IRAK1BP1: variants seen among roughly 807,000 people sequenced by gnomAD.
IRAK1BP1 encodes interleukin-1 receptor-associated kinase 1-binding protein 1.
A neutral mutation model predicts 28.0 loss-of-function variants in IRAK1BP1; 24 were observed. The observed-to-expected ratio is 0.86, with a 90% confidence interval of 0.62 to 1.20. The LOEUF (loss-of-function observed/expected upper bound fraction) is 1.20, where lower values mean the gene tolerates loss of function less well. Among genes scored for constraint, IRAK1BP1 ranks in the 50% most tolerant of loss-of-function variants. The pLI is 0.00. For missense variants in IRAK1BP1, 336 were observed against 316.7 expected, an observed-to-expected ratio of 1.06 and a Z score of -0.46; for synonymous variants, 131 against 116.3, an observed-to-expected ratio of 1.13 and a Z score of -0.81.
intron 4 of IRAK1BP1, among the ~76,000 whole-genome samples, chr6:78,922,330 G>A (rs1772758212): frequency 6.6e-6 from 1 of 152,158 alleles, no homozygotes; most frequent in African/African-American, 2.4e-5. Flanking sequence ...ATCAGTAATG[G>A]AAGATCAAAT....
intron 2 of IRAK1BP1, among the ~76,000 whole-genome samples, chr6:78,895,913 C>G (rs972555742): frequency 6.6e-6 from 1 of 152,232 alleles, no homozygotes; most frequent in African/African-American, 2.4e-5. Flanking sequence ...GGAAGAAGTG[C>G]AACTATCTTA....
At chr6:78,967,026 T>G in the IRAK1BP1 span, among the ~76,000 whole-genome samples, 1 of 152,232 alleles carries the variant, frequency 6.6e-6, no homozygotes, top group Non-Finnish European at 1.5e-5. Context: ...GACACACAGT[T>G]AAGTTAAAAT....
chr6:78,951,281 C>T (rs1774128527), downstream of IRAK1BP1, among the ~76,000 whole-genome samples: 1 of 152,088 alleles, frequency 6.6e-6, no homozygotes, highest in African/African-American at 2.4e-5. Context: ...ATATCTTGGG[C>T]TTACACCATG....
At chr6:78,957,361 T>C in the IRAK1BP1 span, 1 of 151,854 alleles carries the variant, frequency 6.6e-6, no homozygotes. Context: ...CTAATTTCAA[T>C]AAGGAAAACA....
chr6:78,881,823 G>C (rs1003538382), intron 1 of IRAK1BP1, among the ~76,000 whole-genome samples: 11 of 152,122 alleles, frequency 7.2e-5, no homozygotes, highest in African/African-American at 2.2e-4. Flanking sequence ...TAAGTGGATA[G>C]TGGATGGTGG....
downstream of IRAK1BP1, chr6:78,946,569 T>A: frequency 7.2e-7 from 1 of 1,392,566 alleles, no homozygotes; most frequent in Non-Finnish European, 9.3e-7. Flanking sequence ...AGATTAAAAA[T>A]CCTCCACATC....
downstream of IRAK1BP1, among the ~76,000 whole-genome samples, chr6:78,950,182 CACTG>C (rs1274490717): frequency 6.6e-6 from 1 of 152,208 alleles, no homozygotes; most frequent in African/African-American, 2.4e-5. Flanking sequence ...TGATGGATTA[CACTG>C]ACTGGTTTTT....
downstream of IRAK1BP1, among the ~76,000 whole-genome samples, chr6:78,905,974 C>T (rs1562092870): frequency 6.6e-6 from 1 of 152,052 alleles, no homozygotes; most frequent in Non-Finnish European, 1.5e-5. Context: ...AAAGTCAAGA[C>T]TGGAAAGAAA....
the IRAK1BP1 span, among the ~76,000 whole-genome samples, chr6:78,968,509 T>C: frequency 6.6e-6 from 1 of 152,226 alleles, no homozygotes; most frequent in East Asian, 1.9e-4. Flanking sequence ...GTAGGATCAA[T>C]TCTGGAACCT....
At chr6:78,914,057 C>A (rs1027403071) in intron 4 of IRAK1BP1, among the ~76,000 whole-genome samples, 5 of 152,074 alleles carry the variant, frequency 3.3e-5, no homozygotes, top group Non-Finnish European at 7.4e-5. Context: ...TTACAAATTT[C>A]ACTTGTAATA....
chr6:78,919,231 A>C (rs7767182), intron 4 of IRAK1BP1, among the ~76,000 whole-genome samples: 135,979 of 152,126 alleles, frequency 0.89, 60,806 homozygotes, highest in Admixed American at 0.9. Flanking sequence ...GCACTAAAGA[A>C]CTCAATGAGT....
At chr6:78,877,893 C>T (rs887683745) in intron 1 of IRAK1BP1, among the ~76,000 whole-genome samples, 5 of 152,032 alleles carry the variant, frequency 3.3e-5, no homozygotes, top group African/African-American at 1.2e-4. Flanking sequence ...TCTCTTGCTG[C>T]TAGCACAGCA....
intron 1 of IRAK1BP1, among the ~76,000 whole-genome samples, chr6:78,870,330 C>A (rs954364252): frequency 6.6e-6 from 1 of 151,920 alleles, no homozygotes; most frequent in African/African-American, 2.4e-5. Flanking sequence ...CCCTGCCATG[C>A]AACACTTCAC....
intron 1 of IRAK1BP1, among the ~76,000 whole-genome samples, chr6:78,874,896 A>C (rs901343972): frequency 1.5e-4 from 23 of 152,214 alleles, no homozygotes; most frequent in African/African-American, 5.3e-4. Flanking sequence ...GACAAATGGG[A>C]CTTAATTAAA....
At chr6:78,887,996 A>G (rs1771492456) in intron 2 of IRAK1BP1, among the ~76,000 whole-genome samples, 1 of 147,772 alleles carries the variant, frequency 6.8e-6, no homozygotes, top group South Asian at 2.2e-4. Flanking sequence ...AATGTGTTAT[A>G]TACATACAAT....
intron 1 of IRAK1BP1, among the ~76,000 whole-genome samples, chr6:78,869,937 C>T (rs1770733675): frequency 6.6e-6 from 1 of 151,842 alleles, no homozygotes; most frequent in African/African-American, 2.4e-5. Flanking sequence ...GGTGAAATCT[C>T]GTCTCTACTA....
At position 78,908,389 on chromosome 6, in the gene IRAK1BP1, G is replaced by A. The variant is rs138133216; in HGVS notation, c.*67+5279G>A. ...TTTTAGAGCAGGGTCACACTCTGTT[G>A]CCCAGGCTGGAATGCAGTGGTGCCA... On this transcript the variant is annotated intron_variant and NMD_transcript_variant, in intron 4 of 4. Transcript: ENST00000606868. Among the ~76,000 whole-genome samples the A allele has an allele frequency of 6.3e-4, 96 of 152,162 alleles. 1 individual carries two copies. The South Asian group carries it at 7.9e-3, about 13-fold the overall frequency.
At chr6:78,957,039 T>G in the IRAK1BP1 span, 9 of 152,078 alleles carry the variant, frequency 5.9e-5, no homozygotes, top group Non-Finnish European at 1.2e-4. Context: ...CTAAAAAAAG[T>G]ATTTTTAAAC....
At chr6:78,879,430 GAGAA>G (rs1407342365) in intron 1 of IRAK1BP1, among the ~76,000 whole-genome samples, 2 of 152,070 alleles carry the variant, frequency 1.3e-5, no homozygotes, top group Admixed American at 1.3e-4. Flanking sequence ...GTTTTTCAGA[GAGAA>G]AAACAATAGA....
Sources: allele counts gnomAD v4.1 joint callset (sites outside exome capture counted in the v4.1 genomes callset), GRCh38; gene constraint gnomAD v4.1.1; transcripts MANE v1.5; gene names NCBI Gene and HGNC (gene_info 2026-07-23, HGNC 2026-07-21).